The following FHIT variants were observed in gnomAD, a reference collection of about 807,000 sequenced individuals.
FHIT encodes fragile histidine triad diadenosine triphosphatase.
FHIT carries 19 observed loss-of-function variants against 17.9 expected under a neutral mutation model. The ratio of observed to expected loss-of-function variants is 1.06; its 90% CI spans 0.74 to 1.56. The LOEUF is 1.56. Ranked by LOEUF, FHIT falls within the 40% of genes most tolerant of loss-of-function variation. FHIT has a pLI of 0.00. For missense variants in FHIT, 248 were observed against 189.2 expected (o/e 1.31, Z -1.82); for synonymous variants, 81 against 69.7 (o/e 1.16, Z -0.81).
chr3:59,779,601 A>T (rs73840807), intron 8 of FHIT, among the ~76,000 whole-genome samples: 5,735 of 152,040 alleles, frequency 0.038, 152 homozygotes, highest in South Asian at 0.09. Flanking sequence ...TCTTCTTATA[A>T]GCTAAGTTAC....
At chr3:60,916,065 A>C (rs782597358) in intron 3 of FHIT, among the ~76,000 whole-genome samples, 1 of 152,152 alleles carries the variant, frequency 6.6e-6, no homozygotes, top group African/African-American at 2.4e-5. Context: ...TGTCATAGAG[A>C]TGGTTCTGTA....
intron 5 of FHIT, among the ~76,000 whole-genome samples, chr3:60,364,718 G>A (rs527770359): frequency 1.3e-5 from 2 of 152,276 alleles, no homozygotes; most frequent in Non-Finnish European, 2.9e-5. Flanking sequence ...GGTGTTTCCA[G>A]AAGAGAATAG....
At chr3:61,056,192 C>A (rs1002819623) in intron 2 of FHIT, among the ~76,000 whole-genome samples, 2 of 152,040 alleles carry the variant, frequency 1.3e-5, no homozygotes, top group East Asian at 3.9e-4. Flanking sequence ...GAGGCAGAGG[C>A]GGGAGGATAG....
At chr3:60,349,381 G>T (rs1710964928) in intron 5 of FHIT, among the ~76,000 whole-genome samples, 1 of 151,994 alleles carries the variant, frequency 6.6e-6, no homozygotes, top group Non-Finnish European at 1.5e-5. Context: ...TTACATAAAA[G>T]AAATTAAAAC....
intron 4 of FHIT, among the ~76,000 whole-genome samples, chr3:60,765,211 C>T (rs1699808019): frequency 6.6e-6 from 1 of 152,170 alleles, no homozygotes; most frequent in African/African-American, 2.4e-5. Context: ...AAAAGCTATA[C>T]CTTCTAGAAT....
intron 5 of FHIT, among the ~76,000 whole-genome samples, chr3:60,293,498 C>T (rs1023745526): frequency 6.6e-6 from 1 of 152,114 alleles, no homozygotes; most frequent in Non-Finnish European, 1.5e-5. Context: ...CAGCAAACAA[C>T]GTTTTATTCA....
intron 5 of FHIT, among the ~76,000 whole-genome samples, chr3:60,262,424 CA>C: frequency 6.6e-6 from 1 of 152,114 alleles, no homozygotes; most frequent in East Asian, 1.9e-4. Flanking sequence ...ACCACCCCTA[CA>C]AACCTTTTGA....
intron 5 of FHIT, among the ~76,000 whole-genome samples, chr3:60,066,343 C>G (rs576894033): frequency 1.3e-5 from 2 of 152,228 alleles, no homozygotes; most frequent in South Asian, 4.1e-4. Context: ...CAGGCTGGTC[C>G]AGTGATTTTT....
At chr3:60,025,405 C>T (rs1700703393) in intron 5 of FHIT, among the ~76,000 whole-genome samples, 1 of 152,004 alleles carries the variant, frequency 6.6e-6, no homozygotes, top group African/African-American at 2.4e-5. Flanking sequence ...AAGATTAGTC[C>T]CCAAGAGAAT....
At chr3:60,745,386 GGA>G (rs1246895249) in intron 4 of FHIT, among the ~76,000 whole-genome samples, 2 of 152,158 alleles carry the variant, frequency 1.3e-5, no homozygotes, top group Non-Finnish European at 2.9e-5. Flanking sequence ...AGATTGGTGT[GGA>G]GAATGCAAGG....
chr3:59,936,734 C>A (rs896031340), intron 7 of FHIT, among the ~76,000 whole-genome samples: 2 of 152,098 alleles, frequency 1.3e-5, no homozygotes, highest in African/African-American at 4.8e-5. Context: ...GTTAAAGGGA[C>A]AGGACAAGCT....
At chr3:60,270,214 G>C (rs1706796686) in intron 5 of FHIT, among the ~76,000 whole-genome samples, 1 of 152,176 alleles carries the variant, frequency 6.6e-6, no homozygotes, top group African/African-American at 2.4e-5. Flanking sequence ...AGCAAACAGA[G>C]AAAAAGAAGG....
At chr3:59,764,302 C>T (rs1209758798) in intron 8 of FHIT, among the ~76,000 whole-genome samples, 3 of 152,190 alleles carry the variant, frequency 2.0e-5, no homozygotes, top group Admixed American at 6.5e-5. Flanking sequence ...GCTATCCCAG[C>T]ACCATCTAGC....
At chr3:59,807,274 G>A (rs957162446) in intron 8 of FHIT, among the ~76,000 whole-genome samples, 1 of 152,152 alleles carries the variant, frequency 6.6e-6, no homozygotes, top group Admixed American at 6.5e-5. Context: ...CACACATTGC[G>A]GGTTGGGGTG....
At chr3:59,803,858 A>G (rs1258021247) in intron 8 of FHIT, among the ~76,000 whole-genome samples, 1 of 152,208 alleles carries the variant, frequency 6.6e-6, no homozygotes, top group African/African-American at 2.4e-5. Flanking sequence ...AAGAGGCACA[A>G]AAAACCCTGA....
intron 1 of FHIT, among the ~76,000 whole-genome samples, chr3:61,240,835 G>A (rs971233244): frequency 2.0e-5 from 3 of 152,116 alleles, no homozygotes; most frequent in African/African-American, 4.8e-5. Context: ...AGCATGTCTC[G>A]TCCAGATCAA....
intron 3 of FHIT, among the ~76,000 whole-genome samples, chr3:60,823,996 G>C (rs1553740173): frequency 6.6e-6 from 1 of 152,152 alleles, no homozygotes; most frequent in African/African-American, 2.4e-5. Context: ...CAGGAAACCA[G>C]GTCAGAGTGA....
chr3:61,233,917 A>T (rs2106886351), intron 1 of FHIT, among the ~76,000 whole-genome samples: 1 of 152,328 alleles, frequency 6.6e-6, no homozygotes, highest in African/African-American at 2.4e-5. Context: ...GCCAAAGCTA[A>T]CCATTTCTAG....
chr3:60,094,051 C>T (rs575466220), intron 5 of FHIT, among the ~76,000 whole-genome samples: 10 of 151,852 alleles, frequency 6.6e-5, no homozygotes, highest in African/African-American at 2.4e-4. Context: ...GCTCTCAGAG[C>T]CCCCAGAATT....
Sources: gnomAD v4.1 joint callset for allele counts (sites outside exome capture counted in the v4.1 genomes callset) on GRCh38, gnomAD v4.1.1 for gene constraint, MANE v1.5 for transcripts, NCBI Gene and HGNC (gene_info 2026-07-23, HGNC 2026-07-21) for gene names.